SMIM36: variants seen among roughly 807,000 people sequenced by gnomAD.
The protein encoded by SMIM36 is small integral membrane protein 36.
chr17:55,500,542 A>G (rs1206517015), intron 1 of SMIM36, among the ~76,000 whole-genome samples: 1 of 151,632 alleles, frequency 6.6e-6, no homozygotes, highest in Admixed American at 6.6e-5. Context: ...ATGAATCACA[A>G]ATCAAATGAA....
At chr17:55,503,910 G>A (rs950643252) in intron 1 of SMIM36, among the ~76,000 whole-genome samples, 4 of 130,690 alleles carry the variant, frequency 3.1e-5, no homozygotes, top group African/African-American at 6.4e-5. Flanking sequence ...ACAAAAAAAG[G>A]CAGGGGTTGC....
intron 1 of SMIM36, among the ~76,000 whole-genome samples, chr17:55,481,889 G>A (rs1332064757): frequency 2.6e-5 from 4 of 152,000 alleles, no homozygotes; most frequent in African/African-American, 9.7e-5. Context: ...TAGAAATGAG[G>A]TTCCACTATG....
intron 3 of SMIM36, among the ~76,000 whole-genome samples, chr17:55,469,573 T>C (rs534917513): frequency 3.9e-5 from 6 of 152,304 alleles, no homozygotes; most frequent in African/African-American, 1.4e-4. Flanking sequence ...TTAATTAACC[T>C]TGCCTTTAAG....
rs545293268 is a variant in SMIM36, at chr17:55,456,778, A to G, written c.*532-6480T>C. Among the ~76,000 whole-genome samples, 18 of 152,342 alleles carry G rather than the reference A, an allele frequency of 1.2e-4. No individual in the cohort carries two copies. The East Asian group carries it at 3.1e-3, about 26-fold the overall frequency. ...ACAGGAAGGTGAATACTAAAAAATA[A>G]TTATGTGGGTTTTCTCTTGGGACTT... is the stretch of plus-strand genomic sequence containing the variant. On this transcript the variant is annotated intron_variant, in intron 4 of 4. Transcript: ENST00000636752.
chr17:55,492,449 T>C (rs1909729774), intron 1 of SMIM36, among the ~76,000 whole-genome samples: 1 of 151,676 alleles, frequency 6.6e-6, no homozygotes, highest in Non-Finnish European at 1.5e-5. Flanking sequence ...TTTCACCATG[T>C]TGGCCAGGAT....
At chr17:55,460,440 C>A (rs56023340) in intron 4 of SMIM36, among the ~76,000 whole-genome samples, 93,687 of 136,906 alleles carry the variant, frequency 0.68, 31,495 homozygotes, top group Middle Eastern at 0.8. Flanking sequence ...AAACAAAAAA[C>A]AAAAAACAAA....
intron 4 of SMIM36, among the ~76,000 whole-genome samples, chr17:55,461,236 T>G (rs954958873): frequency 6.6e-6 from 1 of 152,132 alleles, no homozygotes; most frequent in Non-Finnish European, 1.5e-5. Flanking sequence ...ATCACCTTAC[T>G]CCCCCAAAGC....
chr17:55,465,948 T>C (rs1909228680), intron 4 of SMIM36, among the ~76,000 whole-genome samples: 1 of 151,920 alleles, frequency 6.6e-6, no homozygotes, highest in African/African-American at 2.4e-5. Flanking sequence ...GGGATTCCAG[T>C]AGGGAAGTGC....
In SMIM36 at chr17:55,497,265, T is replaced by A. The variant is rs79864789; in HGVS notation, c.*174+13614A>T. Among the ~76,000 whole-genome samples the A allele has an allele frequency of 3.6e-3, 548 of 152,228 alleles. 5 individuals are homozygous for A. Among genetic ancestry groups the A allele is most frequent in the African/African-American group, 0.013 (534 of 41,552 alleles). On this transcript the variant is annotated intron_variant, in intron 1 of 4. Coordinates refer to ENST00000636752, the Ensembl canonical transcript of SMIM36. The stretch of plus-strand genomic sequence containing the variant: ...TGTATTCTACCTTCTTATTTATTTA[T>A]TTATTATTTATTTTTTGAAACAGAG...
chr17:55,511,203 C>T (rs1910175876), exon 1 of SMIM36: 1 of 398,516 alleles, frequency 2.5e-6, no homozygotes, highest in Non-Finnish European at 4.4e-6. Flanking sequence ...GCGCGTACTC[C>T]TTACTGGGAT....
At chr17:55,485,028 T>C (rs529617008) in intron 1 of SMIM36, among the ~76,000 whole-genome samples, 32 of 152,326 alleles carry the variant, frequency 2.1e-4, no homozygotes, top group African/African-American at 7.7e-4. Flanking sequence ...ATGTCACAGA[T>C]ACTGTAAGAA....
intron 1 of SMIM36, among the ~76,000 whole-genome samples, chr17:55,498,161 C>T (rs1909840232): frequency 1.3e-5 from 2 of 152,140 alleles, no homozygotes; most frequent in African/African-American, 4.8e-5. Flanking sequence ...TCCAAAATTC[C>T]CTTTTTATAA....
At chr17:55,459,624 T>C (rs1772137620) in intron 4 of SMIM36, among the ~76,000 whole-genome samples, 2 of 152,254 alleles carry the variant, frequency 1.3e-5, no homozygotes, top group Admixed American at 6.5e-5. Flanking sequence ...ATTTGTTTAC[T>C]GTCTTCCTTC....
chr17:55,493,561 G>T (rs1161391520), intron 1 of SMIM36, among the ~76,000 whole-genome samples: 1 of 152,152 alleles, frequency 6.6e-6, no homozygotes, highest in East Asian at 1.9e-4. Flanking sequence ...TGTAATCCTA[G>T]CACTTTGGGA....
At chr17:55,511,191 G>A (rs931557283) in exon 1 of SMIM36, 7 of 398,442 alleles carry the variant, frequency 1.8e-5, no homozygotes, top group African/African-American at 6.2e-5. Context: ...GAGTGGCCTC[G>A]GGCGCGTACT....
the SMIM36 span, among the ~76,000 whole-genome samples, chr17:55,522,034 T>A: frequency 1.3e-5 from 2 of 152,004 alleles, no homozygotes; most frequent in South Asian, 2.1e-4. Context: ...TTCTAATAAC[T>A]CCCCATTTCA....
chr17:55,475,994 C>T lies in SMIM36; in HGVS notation c.*347+2768G>A, dbSNP rs549189044. Among the ~76,000 whole-genome samples, 4 of 152,114 alleles carry T rather than the reference C, an allele frequency of 2.6e-5. No individual in the cohort carries two copies. The South Asian group carries it at 8.3e-4, about 32-fold the overall frequency. On this transcript the variant is annotated intron_variant, in intron 3 of 4. Transcript: ENST00000636752. ...CTGAGAAACATCACCCATTATCTCT[C>T]CATACCACCCTCAAAAATTTTCGCC...
intron 1 of SMIM36, among the ~76,000 whole-genome samples, chr17:55,491,436 G>A (rs1046703371): frequency 2.0e-5 from 3 of 151,752 alleles, no homozygotes; most frequent in Admixed American, 6.6e-5. Flanking sequence ...ATTTTAGAAA[G>A]AGAAACAACC....
intron 3 of SMIM36, among the ~76,000 whole-genome samples, chr17:55,467,587 G>C (rs1218648206): frequency 1.3e-5 from 2 of 152,176 alleles, no homozygotes; most frequent in East Asian, 3.9e-4. Context: ...TAGTAGAGAC[G>C]GGGTTTCACT....
Sources: gnomAD v4.1 joint callset for allele counts (sites outside exome capture counted in the v4.1 genomes callset) on GRCh38, gnomAD v4.1.1 for gene constraint, MANE v1.5 for transcripts, NCBI Gene and HGNC (gene_info 2026-07-23, HGNC 2026-07-21) for gene names.